CLMP: variants seen among roughly 807,000 people sequenced by gnomAD.
CLMP encodes CXADR like cell adhesion molecule, also known as CXADR-like membrane protein.
Under a neutral mutation model 45.2 loss-of-function variants are expected in CLMP, and 27 were observed. That is an observed-to-expected ratio of 0.60 (90% CI 0.44 to 0.82). The LOEUF is 0.82. Ranked by LOEUF, CLMP falls within the 40% of genes least tolerant of loss-of-function variation. The probability of loss-of-function intolerance (pLI) is 0.00; values close to 1 mark genes in which losing one functional copy is unlikely to be tolerated. For synonymous variants in CLMP, 167 were observed against 171.4 expected, an observed-to-expected ratio of 0.97 and a Z score of 0.20; for missense variants, 403 against 448.4, an observed-to-expected ratio of 0.90 and a Z score of 0.91.
chr11:123,112,414 G>A (rs188456140), intron 1 of CLMP, among the ~76,000 whole-genome samples: 748 of 146,820 alleles, frequency 5.1e-3, no homozygotes, highest in South Asian at 8.9e-3. Flanking sequence ...CTCGGCTCAC[G>A]GCAACCTCCG....
At chr11:123,106,653 T>C (rs1440519011) in intron 1 of CLMP, among the ~76,000 whole-genome samples, 1 of 152,136 alleles carries the variant, frequency 6.6e-6, no homozygotes, top group Non-Finnish European at 1.5e-5. Context: ...AAGCATTACA[T>C]ATGATGCATG....
intron 1 of CLMP, among the ~76,000 whole-genome samples, chr11:123,125,352 C>T (rs1278363528): frequency 6.6e-6 from 1 of 152,072 alleles, no homozygotes; most frequent in Non-Finnish European, 1.5e-5. Context: ...TCTTGAGTGG[C>T]CTTACCACTG....
intron 1 of CLMP, among the ~76,000 whole-genome samples, chr11:123,138,591 A>G (rs1861109626): frequency 8.3e-6 from 1 of 119,812 alleles, no homozygotes; most frequent in South Asian, 3.6e-4. Flanking sequence ...CCCTGCTCCC[A>G]CCTGCCCCCC....
intron 5 of CLMP, among the ~76,000 whole-genome samples, chr11:123,075,143 C>T (rs1008915032): frequency 2.0e-5 from 3 of 151,318 alleles, no homozygotes; most frequent in South Asian, 4.2e-4. Flanking sequence ...TTAGTAGAAA[C>T]GGTATTCTCT....
At chr11:123,137,772 C>T (rs956138174) in intron 1 of CLMP, among the ~76,000 whole-genome samples, 5 of 152,146 alleles carry the variant, frequency 3.3e-5, no homozygotes, top group Admixed American at 2.0e-4. Context: ...AAGCTGCTGG[C>T]CTTCTGAGTG....
chr11:123,097,751 G>A (rs751718910), intron 2 of CLMP, 44 bp downstream of exon 2: 1 of 1,451,642 alleles, frequency 6.9e-7, no homozygotes, highest in Non-Finnish European at 9.3e-7. Context: ...GGCAAATGCA[G>A]GAGGACAAGA....
intron 1 of CLMP, 98 bp downstream of exon 1, chr11:123,194,815 G>T (rs965346798): frequency 1.0e-5 from 15 of 1,473,018 alleles, no homozygotes; most frequent in Non-Finnish European, 1.3e-5. Context: ...TGACTCCAGG[G>T]GCTGCAGGGA....
intron 1 of CLMP, among the ~76,000 whole-genome samples, chr11:123,124,135 ATTTTT>A (rs1860857936): frequency 6.6e-6 from 1 of 152,056 alleles, no homozygotes; most frequent in African/African-American, 2.4e-5. Context: ...TTTGGTTGTT[ATTTTT>A]AGTTTAACAA....
chr11:123,112,918 T>C (rs1280381390), intron 1 of CLMP, among the ~76,000 whole-genome samples: 3 of 151,948 alleles, frequency 2.0e-5, no homozygotes, highest in South Asian at 2.1e-4. Flanking sequence ...GGACTACAGG[T>C]GCCCGCCACC....
chr11:123,098,701 ATTTTT>A (rs1156546713), intron 1 of CLMP, among the ~76,000 whole-genome samples: 2 of 112,656 alleles, frequency 1.8e-5, no homozygotes, highest in South Asian at 3.0e-4. Context: ...ATCCTGGCTA[ATTTTT>A]TTTTTTTTTT....
intron 1 of CLMP, among the ~76,000 whole-genome samples, chr11:123,182,163 C>A (rs1861778061): frequency 6.6e-6 from 1 of 152,096 alleles, no homozygotes; most frequent in Non-Finnish European, 1.5e-5. Flanking sequence ...TGACTTTGAC[C>A]CAGGATGACA....
rs1235762102 is a variant in CLMP at position 123,070,192 on chromosome 11, CAG to C, written c.*3280_*3281del. On this transcript the variant is annotated 3_prime_UTR_variant, in exon 7 of 7. Transcript: ENST00000448775. ...TCCATCTGCATCGTCTTCCTACAAA[CAG>C]TTTTTCTTCTACTATTCGGTTATTT... is the stretch of plus-strand genomic sequence containing the variant. 1 of 152,198 alleles carries C rather than the reference CAG, an allele frequency of 6.6e-6. No homozygotes were observed. Among genetic ancestry groups the C allele is most frequent in the East Asian group, 1.9e-4 (1 of 5,208 alleles). The allele number at this position is 152,198 out of a possible 1,614,324, so 9.4% of individuals were successfully genotyped here. A position where few individuals can be genotyped will look rare whatever the true frequency, so the allele number is the denominator to read the frequency against.
At chr11:123,143,847 T>G (rs2135519279) in intron 1 of CLMP, among the ~76,000 whole-genome samples, 1 of 152,006 alleles carries the variant, frequency 6.6e-6, no homozygotes, top group East Asian at 1.9e-4. Context: ...CTCACTCTGT[T>G]ACTCAGGCTG....
chr11:123,141,258 C>T (rs1470031807), intron 1 of CLMP, among the ~76,000 whole-genome samples: 1 of 133,364 alleles, frequency 7.5e-6, no homozygotes, highest in Non-Finnish European at 1.5e-5. Flanking sequence ...GATCTCGGCT[C>T]ACTGCAACCT....
At chr11:123,170,045 T>G (rs1405912543) in intron 1 of CLMP, among the ~76,000 whole-genome samples, 20 of 152,146 alleles carry the variant, frequency 1.3e-4, no homozygotes, top group Admixed American at 1.3e-3. Context: ...CTTAAAAAGG[T>G]GCCAGACTTT....
intron 1 of CLMP, among the ~76,000 whole-genome samples, chr11:123,169,694 CA>C (rs1565402602): frequency 1.3e-5 from 2 of 152,290 alleles, no homozygotes; most frequent in East Asian, 3.9e-4. Flanking sequence ...GCCCATAACA[CA>C]GCTCTCAGGA....
chr11:123,100,368 G>A (rs1307858749), intron 1 of CLMP, among the ~76,000 whole-genome samples: 3 of 149,924 alleles, frequency 2.0e-5, no homozygotes, highest in Non-Finnish European at 4.4e-5. Context: ...GTGACAGAGC[G>A]AGACTCCCTC....
chr11:123,142,657 G>GT (rs1198216176), intron 1 of CLMP, among the ~76,000 whole-genome samples: 15 of 96,172 alleles, frequency 1.6e-4, no homozygotes, highest in African/African-American at 5.2e-4. Context: ...GTCTCGCTCT[G>GT]TGCCCAGGCC....
At chr11:123,140,760 C>T (rs1012297548) in intron 1 of CLMP, among the ~76,000 whole-genome samples, 4 of 152,146 alleles carry the variant, frequency 2.6e-5, no homozygotes, top group Admixed American at 6.5e-5. Flanking sequence ...CCTCTATTCC[C>T]TACATGCTAG....
Sources: allele counts gnomAD v4.1 joint callset (sites outside exome capture counted in the v4.1 genomes callset), GRCh38; gene constraint gnomAD v4.1.1; transcripts MANE v1.5; gene names NCBI Gene and HGNC (gene_info 2026-07-23, HGNC 2026-07-21).